The following CNTN4 variants were observed in gnomAD, a reference collection of about 807,000 sequenced individuals.
CNTN4 encodes contactin-4.
A neutral mutation model predicts 122.5 loss-of-function variants in CNTN4; 77 were observed. That is an observed-to-expected ratio of 0.63 (90% CI 0.52 to 0.76). The LOEUF (loss-of-function observed/expected upper bound fraction) is 0.76, where lower values mean the gene tolerates loss of function less well. Among genes scored for constraint, CNTN4 ranks in the 30% least tolerant of loss-of-function variants. The pLI is 0.00. For synonymous variants in CNTN4, 512 were observed against 447.0 expected (o/e 1.15, Z -1.83); for missense variants, 1,256 against 1,259.1 (o/e 1.00, Z 0.04).
At chr3:2,996,521 T>C (rs1375827498) in intron 14 of CNTN4, among the ~76,000 whole-genome samples, 1 of 152,154 alleles carries the variant, frequency 6.6e-6, no homozygotes, top group African/African-American at 2.4e-5. Flanking sequence ...TCTTTTGTAA[T>C]GAATATTTAC....
At chr3:2,522,238 TTACTTCCA>T (rs2077248263) in intron 3 of CNTN4, among the ~76,000 whole-genome samples, 1 of 151,738 alleles carries the variant, frequency 6.6e-6, no homozygotes. Context: ...ACAATATGCT[TTACTTCCA>T]TAGTCTAGAA....
intron 4 of CNTN4, among the ~76,000 whole-genome samples, chr3:2,578,289 T>C (rs2079785708): frequency 6.6e-6 from 1 of 152,104 alleles, no homozygotes; most frequent in Non-Finnish European, 1.5e-5. Context: ...AGAGCAAAAA[T>C]ACACAAAAGA....
chr3:2,180,950 C>T (rs1047512800), intron 2 of CNTN4, among the ~76,000 whole-genome samples: 2 of 151,984 alleles, frequency 1.3e-5, no homozygotes, highest in African/African-American at 4.8e-5. Flanking sequence ...CAAATATTGC[C>T]TAGCCATCTG....
In CNTN4 at chr3:2,238,754, G is replaced by C. The variant is rs1172935356; in HGVS notation, c.-144-100424G>C. ...CTCTGTGTTTTTTTTTTGAGACGGA[G>C]TCTGGCCCTGTCGCCCAGGCTGGAG... On this transcript the variant is annotated intron_variant, in intron 2 of 24. Coordinates refer to ENST00000418658, the MANE Select transcript of CNTN4 (RefSeq NM_175607.3). 1.9e-4 allele frequency: 11 copies of C among 58,232 alleles called. 3 individuals carry two copies. In the East Asian group the frequency reaches 2.6e-3, roughly 14 times the overall value. 3.6% of individuals were successfully genotyped at this position (58,232 alleles called of 1,614,324 possible). A position where few individuals can be genotyped will look rare whatever the true frequency, so the allele number is the denominator to read the frequency against.
rs142624826 is a variant in CNTN4, at chr3:2,215,594, T to A, written c.-145+114955T>A. Among the ~76,000 whole-genome samples the A allele has an allele frequency of 5.6e-3, 847 of 152,138 alleles. 6 individuals carry two copies. Among genetic ancestry groups the A allele is most frequent in the African/African-American group, 0.019 (803 of 41,496 alleles). On this transcript the variant is annotated intron_variant, in intron 2 of 24. Coordinates refer to ENST00000418658, the MANE Select transcript of CNTN4 (RefSeq NM_175607.3). ...TATTCCTACCAACAGTGTTAAGAGT[T>A]CCCTTAGGCTGGGCGCAGTGGTTCA...
At chr3:2,543,048 A>G (rs1293612795) in intron 3 of CNTN4, among the ~76,000 whole-genome samples, 1 of 152,170 alleles carries the variant, frequency 6.6e-6, no homozygotes, top group East Asian at 1.9e-4. Context: ...GTATACATGG[A>G]CATGCCATAG....
chr3:2,338,136 A>G (rs968702445), intron 2 of CNTN4, among the ~76,000 whole-genome samples: 3 of 152,104 alleles, frequency 2.0e-5, no homozygotes, highest in Non-Finnish European at 4.4e-5. Flanking sequence ...TTTTAGGGGT[A>G]TATGAGAAAG....
In CNTN4 at chr3:2,911,894, G is replaced by A. The variant is rs535470219; in HGVS notation, c.1207+8889G>A. Among the ~76,000 whole-genome samples the A allele has an allele frequency of 3.1e-4, 47 of 152,208 alleles. 1 individual carries two copies. In the South Asian group the frequency reaches 6.2e-3, roughly 20 times the overall value. ...AACATTAGAAATTATTGAGGCAGAG[G>A]AGCAAAACGGAAAAAATAAGAAAAG... On this transcript the variant is annotated intron_variant, in intron 12 of 24. Transcript: ENST00000418658.
At chr3:2,833,838 T>A (rs2093156403) in intron 7 of CNTN4, among the ~76,000 whole-genome samples, 1 of 152,166 alleles carries the variant, frequency 6.6e-6, no homozygotes, top group African/African-American at 2.4e-5. Context: ...ACACATAAAT[T>A]TGTTAAATAT....
At chr3:2,621,265 A>G (rs896977147) in intron 4 of CNTN4, among the ~76,000 whole-genome samples, 1 of 152,312 alleles carries the variant, frequency 6.6e-6, no homozygotes, top group Non-Finnish European at 1.5e-5. Context: ...CACATTCTGG[A>G]AGGAAGTATT....
intron 2 of CNTN4, among the ~76,000 whole-genome samples, chr3:2,115,879 T>G (rs1042388512): frequency 6.6e-6 from 1 of 152,250 alleles, no homozygotes; most frequent in African/African-American, 2.4e-5. Context: ...CTTTTGCAAA[T>G]GTGTTTCTAG....
At chr3:3,023,687 AATC>A (rs1384755378) in intron 14 of CNTN4, among the ~76,000 whole-genome samples, 1 of 152,200 alleles carries the variant, frequency 6.6e-6, no homozygotes, top group Admixed American at 6.5e-5. Context: ...TTAGGCATAA[AATC>A]ATCACTGCTT....
chr3:2,676,803 A>G (rs1407401545), intron 4 of CNTN4, among the ~76,000 whole-genome samples: 2 of 152,370 alleles, frequency 1.3e-5, no homozygotes, highest in African/African-American at 4.8e-5. Flanking sequence ...ATATAAAAAG[A>G]CACAGTTTTT....
intron 4 of CNTN4, among the ~76,000 whole-genome samples, chr3:2,631,886 AAACAAC>A (rs1015178962): frequency 7.2e-6 from 1 of 139,828 alleles, no homozygotes; most frequent in African/African-American, 3.2e-5. Flanking sequence ...AAACAAAAAA[AAACAAC>A]AACTAAAAAA....
chr3:2,939,129 GT>G (rs1297208278), intron 13 of CNTN4, among the ~76,000 whole-genome samples: 5 of 152,178 alleles, frequency 3.3e-5, no homozygotes, highest in Non-Finnish European at 7.4e-5. Context: ...CCATTATAGA[GT>G]TTTCTCCTCA....
intron 2 of CNTN4, among the ~76,000 whole-genome samples, chr3:2,124,983 C>T (rs190973182): frequency 6.6e-6 from 1 of 152,270 alleles, no homozygotes; most frequent in East Asian, 1.9e-4. Flanking sequence ...CATCTACTTG[C>T]TTGACAGATT....
chr3:2,270,613 G>T (rs1455555473), intron 2 of CNTN4, among the ~76,000 whole-genome samples: 1 of 152,078 alleles, frequency 6.6e-6, no homozygotes, highest in Non-Finnish European at 1.5e-5. Context: ...ATGCTCTGTG[G>T]CTACATGCTT....
At chr3:3,019,650 G>A (rs527838515) in intron 14 of CNTN4, among the ~76,000 whole-genome samples, 1 of 151,512 alleles carries the variant, frequency 6.6e-6, no homozygotes, top group Middle Eastern at 3.4e-3. Context: ...GAGAAGCCAG[G>A]CAAACACCAC....
chr3:2,922,608 ATTTTTT>A (rs547782541), intron 12 of CNTN4, among the ~76,000 whole-genome samples: 4 of 110,002 alleles, frequency 3.6e-5, no homozygotes, highest in Admixed American at 1.1e-4. Flanking sequence ...AAAGAACTTG[ATTTTTT>A]TTTTTTTTTT....
Sources: allele counts gnomAD v4.1 joint callset (sites outside exome capture counted in the v4.1 genomes callset), GRCh38; gene constraint gnomAD v4.1.1; transcripts MANE v1.5; gene names NCBI Gene and HGNC (gene_info 2026-07-23, HGNC 2026-07-21).